Variants in SYN3 observed in about 807,000 individuals in gnomAD.
The protein encoded by SYN3 is synapsin-3.
SYN3 carries 35 observed loss-of-function variants against 65.8 expected under a neutral mutation model. The ratio of observed to expected loss-of-function variants is 0.53; its 90% CI spans 0.41 to 0.70. SYN3 has a LOEUF of 0.70. Ranked by LOEUF, SYN3 falls within the 30% of genes least tolerant of loss-of-function variation. The probability of loss-of-function intolerance (pLI) is 0.00; values close to 1 mark genes in which losing one functional copy is unlikely to be tolerated. For synonymous variants in SYN3, 270 were observed against 292.9 expected, an observed-to-expected ratio of 0.92 and a Z score of 0.80; for missense variants, 680 against 749.0, an observed-to-expected ratio of 0.91 and a Z score of 1.08.
At chr22:32,866,661 T>C (rs1027064831) in intron 5 of SYN3, among the ~76,000 whole-genome samples, 1 of 152,178 alleles carries the variant, frequency 6.6e-6, no homozygotes, top group Non-Finnish European at 1.5e-5. Flanking sequence ...ACTATCGTGA[T>C]AACTGTGATA....
intron 7 of SYN3, among the ~76,000 whole-genome samples, chr22:32,558,441 G>A (rs931346444): frequency 6.6e-6 from 1 of 152,240 alleles, no homozygotes; most frequent in African/African-American, 2.4e-5. Context: ...CAGCTAGTAA[G>A]TGGAGGAATG....
intron 3 of SYN3, among the ~76,000 whole-genome samples, chr22:32,959,454 G>A (rs1193338602): frequency 2.0e-5 from 3 of 152,002 alleles, no homozygotes; most frequent in Non-Finnish European, 4.4e-5. Context: ...GGGAGGCTGA[G>A]GCAGGAGAAT....
At chr22:32,881,081 C>T (rs1316046801) in intron 4 of SYN3, among the ~76,000 whole-genome samples, 1 of 152,180 alleles carries the variant, frequency 6.6e-6, no homozygotes, top group African/African-American at 2.4e-5. Context: ...GCCTGCTCAG[C>T]GCTGGGGCGG....
chr22:32,676,871 C>T (rs1216099099), intron 6 of SYN3, among the ~76,000 whole-genome samples: 4 of 152,114 alleles, frequency 2.6e-5, no homozygotes, highest in East Asian at 1.9e-4. Context: ...ATGGCACCCA[C>T]GTGACAGGCC....
chr22:32,924,512 C>T (rs568790197), intron 4 of SYN3, among the ~76,000 whole-genome samples: 1 of 152,240 alleles, frequency 6.6e-6, no homozygotes, highest in Non-Finnish European at 1.5e-5. Context: ...CATCCAGGAG[C>T]TTGTTCACAT....
At chr22:32,553,118 C>G (rs914613407) in intron 7 of SYN3, among the ~76,000 whole-genome samples, 2 of 152,164 alleles carry the variant, frequency 1.3e-5, no homozygotes, top group Non-Finnish European at 2.9e-5. Context: ...GCCCCACCAT[C>G]GTGACCTCAT....
intron 6 of SYN3, among the ~76,000 whole-genome samples, chr22:32,650,656 A>G (rs1181590238): frequency 6.6e-6 from 1 of 152,176 alleles, no homozygotes; most frequent in Non-Finnish European, 1.5e-5. Context: ...GGAGAAAAAC[A>G]GAGGCCCAGA....
intron 6 of SYN3, among the ~76,000 whole-genome samples, chr22:32,747,968 G>A (rs2044989236): frequency 6.6e-6 from 1 of 152,192 alleles, no homozygotes; most frequent in Non-Finnish European, 1.5e-5. Flanking sequence ...CCTTGCTCTT[G>A]GCAGCCTGAG....
At chr22:32,788,323 C>T (rs2046242083) in intron 6 of SYN3, among the ~76,000 whole-genome samples, 2 of 152,046 alleles carry the variant, frequency 1.3e-5, no homozygotes. Flanking sequence ...GGACGAATCA[C>T]GAGGTCAGGA....
intron 6 of SYN3, among the ~76,000 whole-genome samples, chr22:32,712,719 T>G (rs1249261480): frequency 1.3e-5 from 2 of 152,172 alleles, no homozygotes; most frequent in Non-Finnish European, 2.9e-5. Context: ...TCTCCTCCCC[T>G]TTGCCCCTTT....
At chr22:32,686,346 G>A (rs1159421922) in intron 6 of SYN3, among the ~76,000 whole-genome samples, 3 of 151,892 alleles carry the variant, frequency 2.0e-5, no homozygotes, top group Middle Eastern at 3.2e-3. Context: ...CCATCGCCAT[G>A]TGGGGATCTG....
chr22:32,732,756 G>A (rs933679174), intron 6 of SYN3, among the ~76,000 whole-genome samples: 1 of 152,212 alleles, frequency 6.6e-6, no homozygotes, highest in Non-Finnish European at 1.5e-5. Context: ...TGGGAACCAT[G>A]TTCATTTACT....
chr22:32,920,694 T>C (rs1601698246), intron 4 of SYN3, among the ~76,000 whole-genome samples: 2 of 152,340 alleles, frequency 1.3e-5, no homozygotes, highest in Admixed American at 6.5e-5. Flanking sequence ...TGTGCCCTCC[T>C]GACCCCATTC....
chr22:32,984,425 T>A (rs2052465425), intron 2 of SYN3, among the ~76,000 whole-genome samples: 1 of 152,148 alleles, frequency 6.6e-6, no homozygotes, highest in Non-Finnish European at 1.5e-5. Context: ...TGCGGGTATG[T>A]GGATTGCCCA....
At chr22:32,551,717 T>C (rs1163358732) in intron 7 of SYN3, among the ~76,000 whole-genome samples, 2 of 152,036 alleles carry the variant, frequency 1.3e-5, no homozygotes, top group Non-Finnish European at 2.9e-5. Flanking sequence ...TTGGCTACAT[T>C]AGAGACAAAA....
chr22:32,807,299 TATATATAAATATATA>T (rs1208468158), intron 6 of SYN3, among the ~76,000 whole-genome samples: 78 of 128,996 alleles, frequency 6.0e-4, no homozygotes, highest in African/African-American at 2.2e-3. Context: ...GGAGGATATA[TATATATAAATATATA>T]ATATATAAAT....
intron 2 of SYN3, 148 bp downstream of exon 2, chr22:33,006,204 T>G (rs2053190838): frequency 2.3e-6 from 2 of 860,970 alleles, no homozygotes; most frequent in South Asian, 4.9e-5. Flanking sequence ...AGCAGCCACT[T>G]GGTACATGTT....
chr22:32,731,317 G>A (rs148108433), intron 6 of SYN3, among the ~76,000 whole-genome samples: 13 of 152,230 alleles, frequency 8.5e-5, no homozygotes, highest in Non-Finnish European at 1.9e-4. Flanking sequence ...GGACACTTGG[G>A]GGTTGGGGGC....
At chr22:32,849,393 C>A in intron 6 of SYN3, 1 of 1,501,820 alleles carries the variant, frequency 6.7e-7, no homozygotes, top group Non-Finnish European at 9.2e-7. Context: ...CCCTGAGATG[C>A]TGTTCCTGAT....
Sources: gnomAD v4.1 joint callset for allele counts (sites outside exome capture counted in the v4.1 genomes callset) on GRCh38, gnomAD v4.1.1 for gene constraint, MANE v1.5 for transcripts, NCBI Gene and HGNC (gene_info 2026-07-23, HGNC 2026-07-21) for gene names.